The following CAST variants were observed in gnomAD, a reference collection of about 807,000 sequenced individuals.
The protein encoded by CAST is calpastatin, also known as MIR583 host.
In CAST, 76 loss-of-function variants were observed where a neutral mutation model predicts 119.6. That is an observed-to-expected ratio of 0.64 (90% CI 0.53 to 0.77). The LOEUF is 0.77. Among genes scored for constraint, CAST ranks in the 30% least tolerant of loss-of-function variants. CAST has a pLI of 0.00. For missense variants in CAST, 953 were observed against 946.5 expected (o/e 1.01, Z -0.09); for synonymous variants, 319 against 331.6 (o/e 0.96, Z 0.41).
At chr5:96,650,055 A>G (rs930588779) in intron 1 of CAST, among the ~76,000 whole-genome samples, 8 of 152,220 alleles carry the variant, frequency 5.3e-5, no homozygotes, top group Admixed American at 2.6e-4. Flanking sequence ...AGATTGAATA[A>G]ATTACACAGT....
chr5:96,040,672 C>T, the CAST span, among the ~76,000 whole-genome samples: 1 of 152,082 alleles, frequency 6.6e-6, no homozygotes, highest in Non-Finnish European at 1.5e-5. Flanking sequence ...TGATGGATTA[C>T]GTTTATTGAT....
chr5:96,555,111 A>G (rs1746210077), intron 1 of CAST, among the ~76,000 whole-genome samples: 1 of 152,252 alleles, frequency 6.6e-6, no homozygotes, highest in Non-Finnish European at 1.5e-5. Flanking sequence ...ACGTATGTTT[A>G]TTGTGGCACT....
chr5:96,197,752 C>A, the CAST span, among the ~76,000 whole-genome samples: 1 of 152,040 alleles, frequency 6.6e-6, no homozygotes, highest in African/African-American at 2.4e-5. Context: ...AGGTGAGGGG[C>A]CAACCTAGAC....
At chr5:96,753,782 A>C (rs1765690648) in intron 20 of CAST, among the ~76,000 whole-genome samples, 1 of 152,060 alleles carries the variant, frequency 6.6e-6, no homozygotes. Context: ...ACCTCAGTCC[A>C]TTGTCTTTCT....
At chr5:96,105,858 C>A in the CAST span, among the ~76,000 whole-genome samples, 1 of 152,192 alleles carries the variant, frequency 6.6e-6, no homozygotes, top group African/African-American at 2.4e-5. Flanking sequence ...GTGAATCCAT[C>A]TGGTACTGGA....
the CAST span, among the ~76,000 whole-genome samples, chr5:96,154,004 A>C: frequency 6.6e-6 from 1 of 152,156 alleles, no homozygotes; most frequent in Non-Finnish European, 1.5e-5. Flanking sequence ...AAACTTAATG[A>C]ATGAGGCCGG....
intron 11 of CAST, among the ~76,000 whole-genome samples, chr5:96,739,287 C>T (rs766816242): frequency 4.6e-5 from 7 of 152,128 alleles, no homozygotes; most frequent in South Asian, 4.1e-4. Context: ...GGGAGCCTTG[C>T]CCATGTGTGC....
the CAST span, among the ~76,000 whole-genome samples, chr5:96,179,818 C>T: frequency 1.3e-5 from 2 of 152,036 alleles, no homozygotes; most frequent in Non-Finnish European, 2.9e-5. Flanking sequence ...GGGTGGATCA[C>T]GAGGTCAGGA....
chr5:96,294,598 T>TA, the CAST span, among the ~76,000 whole-genome samples: 11 of 152,380 alleles, frequency 7.2e-5, no homozygotes, highest in African/African-American at 2.6e-4. Flanking sequence ...TAGAAATCTG[T>TA]AAGCATTTAT....
At chr5:95,973,894 T>C in the CAST span, among the ~76,000 whole-genome samples, 4 of 152,160 alleles carry the variant, frequency 2.6e-5, no homozygotes, top group Non-Finnish European at 5.9e-5. Flanking sequence ...TCAGAAGGGT[T>C]GTAGCTATAC....
the CAST span, among the ~76,000 whole-genome samples, chr5:96,035,835 G>T: frequency 6.6e-6 from 1 of 151,718 alleles, no homozygotes; most frequent in African/African-American, 2.4e-5. Flanking sequence ...AATTCATTCC[G>T]TGTAACTAGT....
chr5:96,406,017 C>T, the CAST span, among the ~76,000 whole-genome samples: 3 of 152,142 alleles, frequency 2.0e-5, no homozygotes, highest in Non-Finnish European at 4.4e-5. Context: ...TGCACAGGAT[C>T]CTATAATCCA....
the CAST span, among the ~76,000 whole-genome samples, chr5:96,134,135 G>A: frequency 3.5e-3 from 533 of 152,306 alleles, 2 homozygotes; most frequent in African/African-American, 4.5e-3. Context: ...GGACTGAAAA[G>A]GCCGCTACAG....
At chr5:96,022,779 T>C in the CAST span, among the ~76,000 whole-genome samples, 1 of 152,182 alleles carries the variant, frequency 6.6e-6, no homozygotes, top group Non-Finnish European at 1.5e-5. Context: ...GCAGGTAATC[T>C]GGCAGCCTAG....
chr5:96,600,579 G>A (rs1370512450), intron 1 of CAST, among the ~76,000 whole-genome samples: 1 of 152,200 alleles, frequency 6.6e-6, no homozygotes, highest in Non-Finnish European at 1.5e-5. Context: ...AAGACACCTA[G>A]TTATTAGAAC....
In CAST at chr5:96,699,143, G is replaced by A. The variant is rs541191003; in HGVS notation, c.210+3236G>A. 5.9e-5 allele frequency among the ~76,000 whole-genome samples: 9 copies of A among 152,234 alleles called. No homozygotes were observed. In the South Asian group the frequency reaches 1.7e-3, roughly 28 times the overall value. The stretch of plus-strand genomic sequence containing the variant: ...AAATCAGTAGTGAAGATGAGGCTGC[G>A]GAAATTATACGGACTCTTACTAAAG... On this transcript the variant is annotated intron_variant, in intron 3 of 31. Coordinates refer to ENST00000675179, the MANE Select transcript of CAST (RefSeq NM_001750.7).
chr5:96,737,552 T>C (rs1055852353), intron 10 of CAST, among the ~76,000 whole-genome samples: 2 of 152,250 alleles, frequency 1.3e-5, no homozygotes, highest in African/African-American at 2.4e-5. Flanking sequence ...TGTCAGTGCA[T>C]CGGACTGGCA....
intron 2 of CAST, among the ~76,000 whole-genome samples, chr5:96,694,724 T>G (rs969429063): frequency 1.3e-5 from 2 of 152,218 alleles, no homozygotes; most frequent in African/African-American, 4.8e-5. Flanking sequence ...ATACAGGATA[T>G]GAAGGTCTTG....
At chr5:95,991,497 G>GTGTTT in the CAST span, among the ~76,000 whole-genome samples, 1 of 64,958 alleles carries the variant, frequency 1.5e-5, no homozygotes, top group African/African-American at 6.0e-5. Flanking sequence ...AACAAGTTTT[G>GTGTTT]TTTTTTTTTT....
Sources: gnomAD v4.1 joint callset for allele counts (sites outside exome capture counted in the v4.1 genomes callset) on GRCh38, gnomAD v4.1.1 for gene constraint, MANE v1.5 for transcripts, NCBI Gene and HGNC (gene_info 2026-07-23, HGNC 2026-07-21) for gene names.